Variants in MYO6 observed in about 807,000 individuals in gnomAD.
MYO6 encodes the protein myosin VI, also known as unconventional myosin-VI.
A neutral mutation model predicts 178.7 loss-of-function variants in MYO6; 74 were observed. That is an observed-to-expected ratio of 0.41 (90% CI 0.34 to 0.50). The LOEUF is 0.50. Among genes scored for constraint, MYO6 ranks in the 20% least tolerant of loss-of-function variants. MYO6 has a pLI of 0.09. For missense variants in MYO6, 1,330 were observed against 1,547.4 expected, an observed-to-expected ratio of 0.86 and a Z score of 2.36; for synonymous variants, 477 against 504.6, an observed-to-expected ratio of 0.95 and a Z score of 0.73.
intron 1 of MYO6, among the ~76,000 whole-genome samples, chr6:75,782,577 G>T (rs1767092990): frequency 6.6e-6 from 1 of 152,142 alleles, no homozygotes; most frequent in Non-Finnish European, 1.5e-5. Context: ...TTAGTTTTCA[G>T]TGCTGAATGT....
At chr6:75,890,529 G>A (rs1049003556) in intron 26 of MYO6, among the ~76,000 whole-genome samples, 1 of 152,112 alleles carries the variant, frequency 6.6e-6, no homozygotes, top group Non-Finnish European at 1.5e-5. Context: ...ATTTGTAGTG[G>A]AGACGGGGTT....
chr6:75,908,626 T>C lies in MYO6; in HGVS notation c.3411T>C (p.Tyr1137=). The C allele has an allele frequency of 6.2e-7, 1 of 1,613,434 alleles. No individual in the cohort carries two copies. Among genetic ancestry groups the C allele is most frequent in the Admixed American group, 1.7e-5 (1 of 60,014 alleles). ...GTGCTCCAAAGTCTGTTACTGATTA[T>C]GGTAAAGAGAAATCTGTACTTTTGA... is the stretch of plus-strand genomic sequence containing the variant. ...EQRAPKSVTD[Y]DFAPFLNNSP... Residue 1137 remains tyrosine, a splice_region_variant and synonymous_variant, in exon 32 of 35, where the codon TAT becomes TAC. Transcript: ENST00000369977.
chr6:75,853,003 A>T (rs557085171), intron 11 of MYO6, among the ~76,000 whole-genome samples: 1 of 152,152 alleles, frequency 6.6e-6, no homozygotes, highest in Non-Finnish European at 1.5e-5. Flanking sequence ...TATCCTCACC[A>T]GTACTATGTG....
At chr6:75,754,517 CT>C (rs1777171607) in intron 1 of MYO6, among the ~76,000 whole-genome samples, 1 of 12,646 alleles carries the variant, frequency 7.9e-5, no homozygotes, top group Non-Finnish European at 9.3e-4. Context: ...GAGACTCCGT[CT>C]CAAAAAAAAA....
chr6:75,901,175 C>T (rs2149395179), intron 30 of MYO6, among the ~76,000 whole-genome samples: 1 of 152,154 alleles, frequency 6.6e-6, no homozygotes, highest in East Asian at 1.9e-4. Context: ...TGTGATGCCT[C>T]CAGCTTTGTT....
chr6:75,852,342 G>A (rs1268379082), intron 11 of MYO6, among the ~76,000 whole-genome samples: 1 of 151,014 alleles, frequency 6.6e-6, no homozygotes, highest in South Asian at 2.1e-4. Flanking sequence ...TTTTTTTTTG[G>A]TAGGAGCTTT....
At chr6:75,855,392 T>C in intron 12 of MYO6, 109 bp downstream of exon 12, 1 of 1,049,776 alleles carries the variant, frequency 9.5e-7, no homozygotes, top group Non-Finnish European at 1.4e-6. Context: ...CAAAATTCTC[T>C]ACATCTCAGT....
chr6:75,860,048 G>A (rs1776073966), intron 14 of MYO6, among the ~76,000 whole-genome samples: 1 of 152,182 alleles, frequency 6.6e-6, no homozygotes, highest in Admixed American at 6.5e-5. Flanking sequence ...ATCAAGTCAG[G>A]AGATTTGATG....
At chr6:75,866,392 A>C in intron 16 of MYO6, 134 bp from the exon 17 acceptor site, 1 of 683,652 alleles carries the variant, frequency 1.5e-6, no homozygotes, top group Non-Finnish European at 2.6e-6. Context: ...CAATACATAA[A>C]AGCAGTATAA....
At chr6:75,893,450 G>A (rs962898369) in intron 28 of MYO6, among the ~76,000 whole-genome samples, 1 of 152,098 alleles carries the variant, frequency 6.6e-6, no homozygotes, top group East Asian at 1.9e-4. Flanking sequence ...ATAGACACAT[G>A]TAACCATGCT....
chr6:75,894,205 A>T (rs1382437278), intron 28 of MYO6, among the ~76,000 whole-genome samples: 2 of 152,174 alleles, frequency 1.3e-5, no homozygotes, highest in African/African-American at 2.4e-5. Context: ...ATACTGTCTC[A>T]TATGTGGACC....
chr6:75,842,359 A>G (rs1303600834), intron 9 of MYO6, among the ~76,000 whole-genome samples: 4 of 152,166 alleles, frequency 2.6e-5, no homozygotes, highest in African/African-American at 4.8e-5. Flanking sequence ...AAAGGAATGC[A>G]ATGTGAGTAA....
chr6:75,757,972 C>CTTTTTTTTTT (rs71002761), intron 1 of MYO6, among the ~76,000 whole-genome samples: 14 of 74,310 alleles, frequency 1.9e-4, no homozygotes, highest in East Asian at 4.7e-4. Flanking sequence ...TTGAAGTTGG[C>CTTTTTTTTTT]TTTTTTTTTT....
At chr6:75,851,430 C>CAAAT (rs1201783351) in intron 11 of MYO6, among the ~76,000 whole-genome samples, 2 of 151,980 alleles carry the variant, frequency 1.3e-5, no homozygotes, top group Non-Finnish European at 2.9e-5. Context: ...CCTATAGATC[C>CAAAT]AAATGGTTTC....
intron 1 of MYO6, among the ~76,000 whole-genome samples, chr6:75,813,954 A>G (rs1253566622): frequency 6.6e-6 from 1 of 152,084 alleles, no homozygotes; most frequent in Non-Finnish European, 1.5e-5. Flanking sequence ...CGCCTCTCAA[A>G]CGGAGGGAAG....
At chr6:75,866,824 C>T in intron 17 of MYO6, 108 bp from the exon 18 acceptor site, 2 of 1,245,464 alleles carry the variant, frequency 1.6e-6, no homozygotes, top group Non-Finnish European at 1.2e-6. Flanking sequence ...TTGGACAGTG[C>T]AGATACAGAA....
rs75884518 is a variant in MYO6, at chr6:75,756,786, G to A, written c.-48+7363G>A. 5.3e-5 allele frequency among the ~76,000 whole-genome samples: 8 copies of A among 152,018 alleles called. No individual in the cohort carries two copies. The East Asian group carries it at 1.5e-3, about 29-fold the overall frequency. ...GATTAGGAAACTGAGGGGCAGAGATGTTAAATTTGCTCAAGCTTATTTGGT... is the reference window on the plus strand; with the variant it reads ...GATTAGGAAACTGAGGGGCAGAGATATTAAATTTGCTCAAGCTTATTTGGT... On this transcript the variant is annotated intron_variant, in intron 1 of 34. Coordinates refer to ENST00000369977, the MANE Select transcript of MYO6 (RefSeq NM_004999.4).
intron 19 of MYO6, among the ~76,000 whole-genome samples, chr6:75,872,121 T>A (rs1341136373): frequency 6.6e-6 from 1 of 151,682 alleles, no homozygotes; most frequent in Non-Finnish European, 1.5e-5. Flanking sequence ...AGAATGAGAC[T>A]CTCTCTCAAA....
rs190579002 is a variant in MYO6, at chr6:75,915,356, A to G, written c.*344A>G. On this transcript the variant is annotated 3_prime_UTR_variant, in exon 35 of 35. Coordinates refer to ENST00000369977, the MANE Select transcript of MYO6 (RefSeq NM_004999.4). Reference sequence around the variant, plus strand: ...AAGAGAACTTTTTTCAAAATTCAAAATACTTTTTAAGGATGGCACAGTACC... The same window carrying G: ...AAGAGAACTTTTTTCAAAATTCAAAGTACTTTTTAAGGATGGCACAGTACC... The G allele has an allele frequency of 1.8e-4, 64 of 349,318 alleles. No individual in the cohort carries two copies. The Admixed American group carries it at 2.4e-3, about 13-fold the overall frequency. The allele number at this position is 349,318 out of a possible 1,614,324, so 21.6% of individuals were successfully genotyped here.
Sources: gnomAD v4.1 joint callset for allele counts (sites outside exome capture counted in the v4.1 genomes callset) on GRCh38, gnomAD v4.1.1 for gene constraint, MANE v1.5 for transcripts, NCBI Gene and HGNC (gene_info 2026-07-23, HGNC 2026-07-21) for gene names.